HSPA13: variants seen among roughly 807,000 people sequenced by gnomAD.
HSPA13 encodes heat shock 70 kDa protein 13.
Under a neutral mutation model 38.8 loss-of-function variants are expected in HSPA13, and 29 were observed. That is an observed-to-expected ratio of 0.75 (90% CI 0.56 to 1.02). The LOEUF (loss-of-function observed/expected upper bound fraction) is 1.02. HSPA13 is among the 50% of genes least tolerant of loss of function. HSPA13 has a pLI of 0.00. For missense variants in HSPA13, 451 were observed against 560.9 expected, an observed-to-expected ratio of 0.80 and a Z score of 1.98; for synonymous variants, 192 against 205.3, an observed-to-expected ratio of 0.94 and a Z score of 0.56.
intron 2 of HSPA13, 123 bp from the exon 3 acceptor site, chr21:14,378,535 A>G (rs1385027401): frequency 4.7e-6 from 3 of 641,484 alleles, no homozygotes; most frequent in African/African-American, 3.7e-5. Context: ...CAAAAAATGC[A>G]TTTGAAATCT....
At chr21:14,377,568 T>C (rs1339073141) in intron 3 of HSPA13, among the ~76,000 whole-genome samples, 1 of 152,228 alleles carries the variant, frequency 6.6e-6, no homozygotes, top group African/African-American at 2.4e-5. Context: ...GATTGATGGA[T>C]GCAAAGTATT....
At chr21:14,374,428 C>T in intron 4 of HSPA13, 144 bp from the exon 5 acceptor site, 1 of 673,840 alleles carries the variant, frequency 1.5e-6, no homozygotes, top group Non-Finnish European at 2.5e-6. Context: ...CATACAGAGA[C>T]TGGTTAAAAA....
chr21:14,378,332 A>C lies in HSPA13; in HGVS notation c.447T>G (p.Ser149=), dbSNP rs1453489858. The C allele has an allele frequency of 1.2e-6, 2 of 1,614,142 alleles. No homozygotes were observed. Among genetic ancestry groups the C allele is most frequent in the South Asian group, 2.2e-5 (2 of 91,084 alleles). The change falls in exon 3 of 5, where the codon TCT becomes TCG. Residue 149 remains serine (S), a synonymous_variant. Coordinates refer to ENST00000285667, the MANE Select transcript of HSPA13 (RefSeq NM_006948.5). ...TTTCCTTTAACTTCAACAATAGTCG[A>C]GAGCCAACATATTCTGGGGACACTG... The part of the protein sequence containing the change: ...TITVSPEYVG[S]RLLLKLKEMA...
chr21:14,377,471 T>A (rs1984056539), intron 3 of HSPA13, among the ~76,000 whole-genome samples: 1 of 152,236 alleles, frequency 6.6e-6, no homozygotes, highest in Non-Finnish European at 1.5e-5. Flanking sequence ...TATTTTATAT[T>A]GTGCTATAGA....
chr21:14,374,778 T>A (rs7282081), intron 4 of HSPA13, among the ~76,000 whole-genome samples: 2,026 of 152,304 alleles, frequency 0.013, 43 homozygotes, highest in African/African-American at 0.047. Context: ...AAACACTGAA[T>A]GTCATTCTCA....
At chr21:14,378,720 A>G (rs1984093274) in intron 2 of HSPA13, among the ~76,000 whole-genome samples, 1 of 151,872 alleles carries the variant, frequency 6.6e-6, no homozygotes. Context: ...CCTGGGTTCA[A>G]GCGATTCTCC....
intron 2 of HSPA13, among the ~76,000 whole-genome samples, chr21:14,378,766 C>T (rs1224981779): frequency 1.3e-5 from 2 of 151,698 alleles, no homozygotes; most frequent in African/African-American, 4.8e-5. Flanking sequence ...AGTACAGATG[C>T]GTGCCACCAT....
At position 14,372,113 on chromosome 21, in the gene HSPA13, T is replaced by C. The variant is rs1215658189; in HGVS notation, c.*1504A>G. On this transcript the variant is annotated 3_prime_UTR_variant, in exon 5 of 5. Coordinates refer to ENST00000285667, the MANE Select transcript of HSPA13 (RefSeq NM_006948.5). ...ATTAGTAACATTCAGCTTTTTACTA[T>C]GAGAAGCTGAAGTTTTGATGTTGTT... is the stretch of plus-strand genomic sequence containing the variant. 1.3e-5 allele frequency: 2 copies of C among 152,048 alleles called. No homozygotes were observed. The highest frequency in any genetic ancestry group is 3.9e-4 in the East Asian group (2 of 5,190). The allele number at this position is 152,048 out of a possible 1,614,324, so 9.4% of individuals were successfully genotyped here.
intron 2 of HSPA13, 75 bp downstream of exon 2, chr21:14,381,128 T>C: frequency 9.0e-7 from 1 of 1,108,836 alleles, no homozygotes; most frequent in South Asian, 1.5e-5. Context: ...AGATAGAATG[T>C]TTTGTGACAT....
In HSPA13 at chr21:14,371,169, G is replaced by A. The variant is rs1182054276; in HGVS notation, c.*2448C>T. ...ATTTACATTAAAACATGAATTGCCT[G>A]TATACACACAAATATAAGAGGAACA... is the stretch of plus-strand genomic sequence containing the variant. On this transcript the variant is annotated 3_prime_UTR_variant, in exon 5 of 5. Coordinates refer to ENST00000285667, the MANE Select transcript of HSPA13 (RefSeq NM_006948.5). 1 of 152,524 alleles carries A rather than the reference G, an allele frequency of 6.6e-6. No homozygotes were observed. The highest frequency in any genetic ancestry group is 1.9e-4 in the East Asian group (1 of 5,196). 9.4% of individuals were successfully genotyped at this position (152,524 alleles called of 1,614,324 possible).
rs778151211 is a variant in HSPA13 at position 14,374,302 on chromosome 21, G to A, written c.749-18C>T. ...ATTGTTTCCTGAGTGAAAAATAAAAGTTTAATATAGTTATGCATATATGTG... is the reference window on the plus strand; with the variant it reads ...ATTGTTTCCTGAGTGAAAAATAAAAATTTAATATAGTTATGCATATATGTG... On this transcript the variant is annotated intron_variant, in intron 4 of 4. Coordinates refer to ENST00000285667, the MANE Select transcript of HSPA13 (RefSeq NM_006948.5). 1.5e-5 allele frequency: 24 copies of A among 1,577,132 alleles called. No homozygotes were observed. The highest frequency in any genetic ancestry group is 2.0e-5 in the Non-Finnish European group (23 of 1,159,556).
intron 1 of HSPA13, 84 bp downstream of exon 1, chr21:14,383,011 G>T: frequency 6.8e-7 from 1 of 1,470,122 alleles, no homozygotes; most frequent in Non-Finnish European, 9.5e-7. Flanking sequence ...AGATCCAGGA[G>T]GTGAGTCAAC....
At chr21:14,377,428 C>T (rs994914260) in intron 3 of HSPA13, among the ~76,000 whole-genome samples, 3 of 152,160 alleles carry the variant, frequency 2.0e-5, no homozygotes, top group African/African-American at 7.2e-5. Flanking sequence ...GAGCCTTTGT[C>T]CTGTAGCATC....
Position 14,373,808 on chromosome 21 carries a change from T to A in HSPA13, c.1225A>T (p.Thr409Ser). Residue 409 changes from threonine (T) to serine (S), a missense_variant, in exon 5 of 5, where the codon ACT becomes TCT. Thr to Ser is a moderately conservative substitution (Grantham distance 58). Coordinates refer to ENST00000285667, the MANE Select transcript of HSPA13 (RefSeq NM_006948.5). ...ACTTGACGGATCCGAGGAATACGAG[T>A]GGAGCCCCCAACTAAAACCACCTCA... Reference protein sequence around the residue: ...IDEVVLVGGSTRIPRIRQVIQ... With the variant: ...IDEVVLVGGSSRIPRIRQVIQ... 1 of 1,614,140 alleles carries A rather than the reference T, an allele frequency of 6.2e-7. No individual in the cohort carries two copies. The highest frequency in any genetic ancestry group is 8.5e-7 in the Non-Finnish European group (1 of 1,180,030).
chr21:14,378,075 T>C (rs1374531201), intron 3 of HSPA13, 124 bp downstream of exon 3: 1 of 683,776 alleles, frequency 1.5e-6, no homozygotes, highest in Non-Finnish European at 2.5e-6. Context: ...CTAATACACC[T>C]ACCATATAGT....
intron 1 of HSPA13, among the ~76,000 whole-genome samples, chr21:14,382,329 A>G (rs1318069127): frequency 6.6e-6 from 1 of 152,174 alleles, no homozygotes; most frequent in Non-Finnish European, 1.5e-5. Context: ...TAAAAAAAAA[A>G]GAAAAAAGAG....
Position 14,382,852 on chromosome 21 carries a change from C to G in HSPA13, c.25+243G>C, listed in dbSNP as rs561918060. Among the ~76,000 whole-genome samples, 4 of 152,232 alleles carry G rather than the reference C, an allele frequency of 2.6e-5. No homozygotes were observed. The South Asian group carries it at 8.3e-4, about 32-fold the overall frequency. On this transcript the variant is annotated intron_variant, in intron 1 of 4. Transcript: ENST00000285667. ...GGAACGCCTCCCTAAGCCTGATGTC[C>G]CTGGGATGGACACAGCTGGTCGCCG... is the stretch of plus-strand genomic sequence containing the variant.
At chr21:14,378,514 C>G in intron 2 of HSPA13, 102 bp from the exon 3 acceptor site, 2 of 723,348 alleles carry the variant, frequency 2.8e-6, no homozygotes, top group South Asian at 3.8e-5. Context: ...TTACCCTTAT[C>G]TTTACAAAAT....
Position 14,381,323 on chromosome 21 carries a change from A to G in HSPA13, c.246T>C (p.Tyr82=), listed in dbSNP as rs1600806991. The G allele has an allele frequency of 6.2e-7, 1 of 1,614,118 alleles. No homozygotes were observed. The highest frequency in any genetic ancestry group is 2.2e-5 in the East Asian group (1 of 44,888). ...TTGAATCTGCCAGCTCTACGCTTTC[A>G]TATCCCACATATACATCATTGTCAG... ...SFTDNDVYVG[Y]ESVELADSNP... Residue 82 remains tyrosine (Y), a synonymous_variant, in exon 2 of 5, where the codon TAT becomes TAC. Coordinates refer to ENST00000285667, the MANE Select transcript of HSPA13 (RefSeq NM_006948.5).
Sources: gnomAD v4.1 joint callset for allele counts (sites outside exome capture counted in the v4.1 genomes callset) on GRCh38, gnomAD v4.1.1 for gene constraint, MANE v1.5 for transcripts, NCBI Gene and HGNC (gene_info 2026-07-23, HGNC 2026-07-21) for gene names.